Variants in ZNF57 observed in about 807,000 individuals in gnomAD.
ZNF57 encodes zinc finger protein 424.
A neutral mutation model predicts 13.4 loss-of-function variants in ZNF57; 11 were observed. The ratio of observed to expected loss-of-function variants is 0.82; its 90% confidence interval spans 0.52 to 1.36. The LOEUF is 1.36. ZNF57 is among the 40% of genes most tolerant of loss of function. The pLI, the probability that ZNF57 is intolerant of heterozygous loss-of-function variation, is 0.00. For missense variants in ZNF57, 696 were observed against 667.5 expected (o/e 1.04, Z -0.47); for synonymous variants, 224 against 238.5 (o/e 0.94, Z 0.56).
chr19:2,908,461 G>GTTTTTTTTTTTTTT (rs60289248), intron 1 of ZNF57, among the ~76,000 whole-genome samples: 1 of 122,640 alleles, frequency 8.2e-6, no homozygotes, highest in African/African-American at 3.3e-5. Context: ...TATTTTTTTG[G>GTTTTTTTTTTTTTT]TTTTTTTTTT....
chr19:2,912,394 G>GC (rs1044745930), intron 1 of ZNF57: 1 of 152,128 alleles, frequency 6.6e-6, no homozygotes, highest in African/African-American at 2.4e-5. Flanking sequence ...ACAAGACTGG[G>GC]CCCCCTGAGA....
At chr19:2,916,467 C>T (rs1434413408) in intron 3 of ZNF57, 1 of 396,404 alleles carries the variant, frequency 2.5e-6, no homozygotes. Context: ...AATCCCAGCA[C>T]TTTGGGAGGC....
chr19:2,909,038 T>C (rs972921105), intron 1 of ZNF57, among the ~76,000 whole-genome samples: 3 of 152,148 alleles, frequency 2.0e-5, no homozygotes, highest in African/African-American at 7.2e-5. Context: ...TAGAGCTCCA[T>C]TCCTTACATG....
intron 1 of ZNF57, among the ~76,000 whole-genome samples, chr19:2,909,120 C>T (rs1272981010): frequency 1.3e-5 from 2 of 151,896 alleles, no homozygotes; most frequent in African/African-American, 4.8e-5. Flanking sequence ...GTTGTTTCCA[C>T]CTTTTGGCTA....
chr19:2,916,416 G>A (rs1324621920), intron 3 of ZNF57, 167 bp downstream of exon 3: 1 of 668,076 alleles, frequency 1.5e-6, no homozygotes, highest in Non-Finnish European at 2.4e-6. Flanking sequence ...ATAATTGTTA[G>A]AAGTAATTAC....
Position 2,911,439 on chromosome 19 carries a change from G to C in ZNF57, c.4-4083G>C, listed in dbSNP as rs372430460. ...TCCCAGCTGCTCGGGAGGCTGATGCGGGAGAATCTCCTGAACCCGAGAGGC... is the reference window on the plus strand; with the variant it reads ...TCCCAGCTGCTCGGGAGGCTGATGCCGGAGAATCTCCTGAACCCGAGAGGC... On this transcript the variant is annotated intron_variant, in intron 1 of 3. Coordinates refer to ENST00000306908, the MANE Select transcript of ZNF57 (RefSeq NM_173480.3). 3.3e-5 allele frequency among the ~76,000 whole-genome samples: 5 copies of C among 152,130 alleles called. No individual in the cohort carries two copies. In the East Asian group the frequency reaches 7.7e-4, roughly 23 times the overall value.
At chr19:2,906,894 G>A (rs564081971) in intron 1 of ZNF57, among the ~76,000 whole-genome samples, 2 of 152,150 alleles carry the variant, frequency 1.3e-5, no homozygotes, top group African/African-American at 4.8e-5. Flanking sequence ...TGGGAGCCTC[G>A]GTCTCTAGTG....
intron 1 of ZNF57, chr19:2,915,047 GACA>G (rs1490248377): frequency 3.2e-5 from 5 of 155,668 alleles, no homozygotes; most frequent in African/African-American, 1.2e-4. Context: ...GGCAGACAAA[GACA>G]GGAATTCTTA....
intron 1 of ZNF57, among the ~76,000 whole-genome samples, chr19:2,914,609 T>C (rs938020077): frequency 1.3e-5 from 2 of 152,182 alleles, no homozygotes; most frequent in Admixed American, 6.5e-5. Context: ...TTGTTTAACT[T>C]TTTACTGTTT....
chr19:2,905,962 T>C (rs2088071803), intron 1 of ZNF57, among the ~76,000 whole-genome samples: 1 of 152,206 alleles, frequency 6.6e-6, no homozygotes, highest in South Asian at 2.1e-4. Flanking sequence ...GCTGACGTGG[T>C]GGCATTGTTT....
intron 1 of ZNF57, among the ~76,000 whole-genome samples, chr19:2,905,175 CT>C: frequency 6.6e-6 from 1 of 151,594 alleles, no homozygotes; most frequent in Non-Finnish European, 1.5e-5. Flanking sequence ...ACTATTTTTT[CT>C]TTTTTTGAGA....
At chr19:2,915,190 T>G (rs1240940270) in intron 1 of ZNF57, 1 of 192,346 alleles carries the variant, frequency 5.2e-6, no homozygotes, top group Non-Finnish European at 1.1e-5. Flanking sequence ...GAAAGTCCTA[T>G]GAAATGTGCA....
At chr19:2,915,977 C>A in intron 2 of ZNF57, 101 bp from the exon 3 acceptor site, 1 of 1,309,628 alleles carries the variant, frequency 7.6e-7, no homozygotes, top group South Asian at 1.4e-5. Flanking sequence ...CCCCTTATGT[C>A]TGTTATTGAT....
chr19:2,902,086 G>A (rs1005189888), intron 1 of ZNF57, among the ~76,000 whole-genome samples: 2 of 150,474 alleles, frequency 1.3e-5, no homozygotes, highest in Non-Finnish European at 3.0e-5. Flanking sequence ...ACAAGGGCGG[G>A]GGAATATCAC....
Position 2,900,945 on chromosome 19 carries a change from C to T in ZNF57, c.-101C>T. 2 of 1,475,408 alleles carry T rather than the reference C, an allele frequency of 1.4e-6. No homozygotes were observed. Among genetic ancestry groups the T allele is most frequent in the Non-Finnish European group, 1.8e-6 (2 of 1,090,004 alleles). The allele number at this position is 1,475,408 out of a possible 1,614,324, so 91.4% of individuals were successfully genotyped here. On this transcript the variant is annotated 5_prime_UTR_variant, in exon 1 of 4. Transcript: ENST00000306908. ...GTTTCGTCCTCCCTGCCGCGCGTGC[C>T]CTGCCTACCACGAGCGGCCCGGGAG...
intron 1 of ZNF57, among the ~76,000 whole-genome samples, chr19:2,905,547 G>A (rs1015593237): frequency 7.3e-5 from 11 of 151,030 alleles, no homozygotes; most frequent in South Asian, 2.1e-4. Context: ...GGCGGATCAC[G>A]AGGTCAGGAG....
chr19:2,915,683 AT>A lies in ZNF57; in HGVS notation c.130+36del, dbSNP rs777769664. ...GCATCATTCCTTCCCTTGGTTTTTA[AT>A]GAACTCATTTCTTTCTCATCAGTTC... On this transcript the variant is annotated intron_variant, in intron 2 of 3. Coordinates refer to ENST00000306908, the MANE Select transcript of ZNF57 (RefSeq NM_173480.3). The A allele has an allele frequency of 8.1e-6, 13 of 1,612,964 alleles. No homozygotes were observed. The Admixed American group carries it at 2.2e-4, about 27-fold the overall frequency.
At chr19:2,914,784 C>T (rs2144932750) in intron 1 of ZNF57, among the ~76,000 whole-genome samples, 1 of 152,200 alleles carries the variant, frequency 6.6e-6, no homozygotes, top group African/African-American at 2.4e-5. Flanking sequence ...CATGCTACAT[C>T]CATGAATATT....
At chr19:2,915,772 T>A in intron 2 of ZNF57, 124 bp downstream of exon 2, 1 of 1,417,104 alleles carries the variant, frequency 7.1e-7, no homozygotes, top group Non-Finnish European at 9.9e-7. Context: ...ACCATGGACC[T>A]AGAATCTAGT....
Sources: gnomAD v4.1 joint callset for allele counts (sites outside exome capture counted in the v4.1 genomes callset) on GRCh38, gnomAD v4.1.1 for gene constraint, MANE v1.5 for transcripts, NCBI Gene and HGNC (gene_info 2026-07-23, HGNC 2026-07-21) for gene names.